The following TRIM44 variants were observed in gnomAD, a reference collection of about 807,000 sequenced individuals.
TRIM44 encodes the protein tripartite motif containing 44.
A neutral mutation model predicts 37.4 loss-of-function variants in TRIM44; 13 were observed. That is an observed-to-expected ratio of 0.35 (90% CI 0.23 to 0.55). The LOEUF (loss-of-function observed/expected upper bound fraction) is 0.55. Among genes scored for constraint, TRIM44 ranks in the 20% least tolerant of loss-of-function variants. TRIM44 has a pLI of 0.89. For missense variants in TRIM44, 426 were observed against 437.2 expected (o/e 0.97, Z 0.23); for synonymous variants, 175 against 157.2 (o/e 1.11, Z -0.85).
chr11:35,781,823 T>C (rs546555777), intron 4 of TRIM44, among the ~76,000 whole-genome samples: 30 of 152,332 alleles, frequency 2.0e-4, no homozygotes, highest in Non-Finnish European at 4.1e-4. Flanking sequence ...ATGATAAAAG[T>C]CACTGCCTAG....
At chr11:35,749,018 TC>T (rs1210183070) in intron 4 of TRIM44, among the ~76,000 whole-genome samples, 6 of 152,166 alleles carry the variant, frequency 3.9e-5, no homozygotes, top group African/African-American at 1.4e-4. Flanking sequence ...TTCCCTGTAT[TC>T]CTTGGTGTGT....
At chr11:35,731,046 G>C (rs1156304385) in intron 3 of TRIM44, among the ~76,000 whole-genome samples, 1 of 151,924 alleles carries the variant, frequency 6.6e-6, no homozygotes, top group African/African-American at 2.4e-5. Flanking sequence ...AATAGAGACA[G>C]TTTTACTTTC....
At chr11:35,705,023 C>T (rs865817083) in intron 2 of TRIM44, among the ~76,000 whole-genome samples, 1,802 of 147,958 alleles carry the variant, frequency 0.012, 19 homozygotes, top group African/African-American at 0.03. Context: ...ACCCATCTCA[C>T]GTGCAGAGAC....
At chr11:35,774,571 A>G (rs1344374302) in intron 4 of TRIM44, among the ~76,000 whole-genome samples, 2 of 152,162 alleles carry the variant, frequency 1.3e-5, no homozygotes, top group African/African-American at 4.8e-5. Flanking sequence ...GGTATTACCT[A>G]GGTTTTCTTC....
intron 1 of TRIM44, among the ~76,000 whole-genome samples, chr11:35,666,126 A>G (rs977634545): frequency 2.0e-5 from 3 of 152,088 alleles, no homozygotes; most frequent in African/African-American, 4.8e-5. Flanking sequence ...CAGATGGCCA[A>G]TTGCTATTGC....
intron 2 of TRIM44, among the ~76,000 whole-genome samples, chr11:35,688,193 A>G (rs948659098): frequency 2.9e-4 from 44 of 152,174 alleles, no homozygotes; most frequent in African/African-American, 1.1e-3. Context: ...TCCTGGGCAC[A>G]GAGGCTTTAC....
chr11:35,693,806 C>G (rs1234450208), intron 2 of TRIM44, among the ~76,000 whole-genome samples: 3 of 152,146 alleles, frequency 2.0e-5, no homozygotes, highest in Non-Finnish European at 4.4e-5. Flanking sequence ...TTTCTTTCAG[C>G]TCTTGTCATT....
At position 35,694,235 on chromosome 11, in the gene TRIM44, G is replaced by A. The variant is rs147316974; in HGVS notation, c.747+8899G>A. Among the ~76,000 whole-genome samples, 1,191 of 152,302 alleles carry A rather than the reference G, an allele frequency of 7.8e-3. 11 individuals are homozygous for A. Among genetic ancestry groups the A allele is most frequent in the Admixed American group, 0.012 (188 of 15,296 alleles). ...AAGAATCCGCTATAGAGCCGATTAC[G>A]TGGGATACGTTTCTAATCATTGCCT... On this transcript the variant is annotated intron_variant, in intron 2 of 4. Coordinates refer to ENST00000299413, the MANE Select transcript of TRIM44 (RefSeq NM_017583.6).
chr11:35,699,998 C>CA (rs748432191), intron 2 of TRIM44, among the ~76,000 whole-genome samples: 10 of 152,126 alleles, frequency 6.6e-5, no homozygotes, highest in Non-Finnish European at 1.0e-4. Flanking sequence ...TAGGAAGAAT[C>CA]AATATCGTGA....
intron 1 of TRIM44, among the ~76,000 whole-genome samples, chr11:35,665,423 T>G (rs965600615): frequency 1.3e-5 from 2 of 152,122 alleles, no homozygotes; most frequent in African/African-American, 2.4e-5. Flanking sequence ...TTGTCAATCT[T>G]GTGGCTATGT....
chr11:35,703,454 C>T (rs969971473), intron 2 of TRIM44, among the ~76,000 whole-genome samples: 1 of 152,204 alleles, frequency 6.6e-6, no homozygotes, highest in Admixed American at 6.5e-5. Flanking sequence ...GGCAGACTGC[C>T]TCCTCAAGTG....
At chr11:35,742,338 AAAC>A (rs1852407504) in intron 4 of TRIM44, among the ~76,000 whole-genome samples, 1 of 147,822 alleles carries the variant, frequency 6.8e-6, no homozygotes, top group Admixed American at 6.9e-5. Context: ...GAAGTATTTT[AAAC>A]ATTTACATAT....
chr11:35,773,541 A>G (rs1852904627), intron 4 of TRIM44, among the ~76,000 whole-genome samples: 1 of 152,072 alleles, frequency 6.6e-6, no homozygotes, highest in Admixed American at 6.5e-5. Context: ...TTACATATAT[A>G]TACATGTGCC....
At chr11:35,683,547 A>G (rs146927659) in intron 1 of TRIM44, among the ~76,000 whole-genome samples, 71 of 152,292 alleles carry the variant, frequency 4.7e-4, no homozygotes, top group African/African-American at 1.6e-3. Flanking sequence ...CCAGAGGCCA[A>G]TTTTGAGTAA....
chr11:35,753,590 A>G (rs1852585477), intron 4 of TRIM44, among the ~76,000 whole-genome samples: 1 of 152,232 alleles, frequency 6.6e-6, no homozygotes, highest in Non-Finnish European at 1.5e-5. Context: ...ATGACAGGCA[A>G]GTATTCTCTT....
chr11:35,679,865 A>T (rs1692337902), intron 1 of TRIM44, among the ~76,000 whole-genome samples: 1 of 152,212 alleles, frequency 6.6e-6, no homozygotes, highest in Non-Finnish European at 1.5e-5. Flanking sequence ...ATGGAAAAAC[A>T]GAAACCCAGG....
At chr11:35,741,244 A>G (rs1425623787) in intron 4 of TRIM44, among the ~76,000 whole-genome samples, 3 of 152,096 alleles carry the variant, frequency 2.0e-5, no homozygotes, top group Admixed American at 2.0e-4. Flanking sequence ...TTTCCCTGTT[A>G]TGGAACCTGA....
At chr11:35,720,475 T>C (rs1324435687) in intron 2 of TRIM44, among the ~76,000 whole-genome samples, 1 of 152,024 alleles carries the variant, frequency 6.6e-6, no homozygotes, top group Non-Finnish European at 1.5e-5. Context: ...TAGACAATCT[T>C]ATCATCTGCA....
chr11:35,735,692 A>C (rs937440357), intron 4 of TRIM44, among the ~76,000 whole-genome samples: 1 of 152,178 alleles, frequency 6.6e-6, no homozygotes, highest in Non-Finnish European at 1.5e-5. Context: ...ATACCTTGTT[A>C]AGAAGAATAG....
Sources: gnomAD v4.1 joint callset for allele counts (sites outside exome capture counted in the v4.1 genomes callset) on GRCh38, gnomAD v4.1.1 for gene constraint, MANE v1.5 for transcripts, NCBI Gene and HGNC (gene_info 2026-07-23, HGNC 2026-07-21) for gene names.